MYRIP: variants seen among roughly 807,000 people sequenced by gnomAD.
MYRIP encodes the protein rab effector MyRIP.
In MYRIP, 49 loss-of-function variants were observed where a neutral mutation model predicts 98.0. The observed-to-expected ratio is 0.50, with a 90% CI of 0.40 to 0.63. The LOEUF is 0.63. Ranked by LOEUF, MYRIP falls within the 30% of genes least tolerant of loss-of-function variation. The pLI is 0.00. For synonymous variants in MYRIP, 404 were observed against 409.5 expected, an observed-to-expected ratio of 0.99 and a Z score of 0.16; for missense variants, 1,004 against 1,058.2, an observed-to-expected ratio of 0.95 and a Z score of 0.71.
At chr3:39,840,304 T>A (rs951749528) in intron 1 of MYRIP, among the ~76,000 whole-genome samples, 1 of 152,206 alleles carries the variant, frequency 6.6e-6, no homozygotes. Context: ...CCTGCCTTTT[T>A]TTTGCTTTCC....
intron 1 of MYRIP, among the ~76,000 whole-genome samples, chr3:39,835,378 G>A (rs1411594349): frequency 6.6e-6 from 1 of 152,048 alleles, no homozygotes; most frequent in African/African-American, 2.4e-5. Flanking sequence ...TGGTGAGGGT[G>A]GGGAACCAGC....
chr3:40,107,775 AAACT>A (rs1253637721), intron 3 of MYRIP, among the ~76,000 whole-genome samples: 2 of 152,054 alleles, frequency 1.3e-5, no homozygotes, highest in African/African-American at 4.8e-5. Flanking sequence ...ACAAGATGCT[AAACT>A]AACTGACTGC....
intron 2 of MYRIP, among the ~76,000 whole-genome samples, chr3:39,984,279 G>A (rs989449407): frequency 6.6e-6 from 1 of 151,606 alleles, no homozygotes; most frequent in African/African-American, 2.4e-5. Flanking sequence ...ACATTGTGCA[G>A]GTTAGTTACA....
intron 3 of MYRIP, among the ~76,000 whole-genome samples, chr3:40,085,566 G>C (rs1948610168): frequency 6.6e-6 from 1 of 152,218 alleles, no homozygotes; most frequent in South Asian, 2.1e-4. Flanking sequence ...TTACAGGCAT[G>C]AACCACTACA....
chr3:40,037,699 G>A (rs1445992365), intron 2 of MYRIP, among the ~76,000 whole-genome samples: 1 of 152,050 alleles, frequency 6.6e-6, no homozygotes, highest in African/African-American at 2.4e-5. Context: ...TGAGATGGAT[G>A]CAGAGCTGAC....
At position 40,160,907 on chromosome 3, in the gene MYRIP, C is replaced by T. The variant is rs149455209; in HGVS notation, c.470-1823C>T. On this transcript the variant is annotated intron_variant, in intron 4 of 16. Coordinates refer to ENST00000302541, the MANE Select transcript of MYRIP (RefSeq NM_015460.4). ...ACTGACCTGTGCCCACTGTCTGGCA[C>T]TCCCTAGTGAGATGAACCTGGTACC... Among the ~76,000 whole-genome samples, 707 of 152,290 alleles carry T rather than the reference C, an allele frequency of 4.6e-3. 1 individual carries two copies. The highest frequency in any genetic ancestry group is 6.8e-3 in the Middle Eastern group (2 of 294).
intron 1 of MYRIP, among the ~76,000 whole-genome samples, chr3:39,836,423 C>T (rs569283875): frequency 5.3e-4 from 81 of 152,232 alleles, no homozygotes; most frequent in African/African-American, 1.9e-3. Context: ...ATCCTTTGCC[C>T]ACTTTTGGAT....
rs145556949 is a variant in MYRIP at position 39,866,846 on chromosome 3, G to A, written c.-30-33941G>A. On this transcript the variant is annotated intron_variant, in intron 1 of 16. Coordinates refer to ENST00000302541, the MANE Select transcript of MYRIP (RefSeq NM_015460.4). The stretch of plus-strand genomic sequence containing the variant: ...AAAAACTTTTAAACATTTATATAGA[G>A]CCACAAAAACCTCCAAGTAGCCAAG... Among the ~76,000 whole-genome samples the A allele has an allele frequency of 1.6e-3, 242 of 152,148 alleles. 1 individual carries two copies. The highest frequency in any genetic ancestry group is 5.5e-3 in the African/African-American group (230 of 41,490).
At chr3:39,890,471 T>G (rs534521835) in intron 1 of MYRIP, among the ~76,000 whole-genome samples, 1 of 152,082 alleles carries the variant, frequency 6.6e-6, no homozygotes, top group Admixed American at 6.6e-5. Context: ...TAATGAGAGA[T>G]CTTCTCCTGT....
intron 11 of MYRIP, among the ~76,000 whole-genome samples, chr3:40,212,257 T>TAC (rs112664910): frequency 0.011 from 999 of 91,492 alleles, 88 homozygotes; most frequent in African/African-American, 0.032. Flanking sequence ...TATATATATA[T>TAC]ACACGTATAT....
At chr3:40,121,665 G>A (rs1253174742) in intron 3 of MYRIP, among the ~76,000 whole-genome samples, 1 of 152,124 alleles carries the variant, frequency 6.6e-6, no homozygotes, top group Non-Finnish European at 1.5e-5. Context: ...ACCCAGCACT[G>A]CCCTGTCAGG....
chr3:39,889,017 A>AG (rs1943401494), intron 1 of MYRIP, among the ~76,000 whole-genome samples: 2 of 152,196 alleles, frequency 1.3e-5, no homozygotes, highest in Non-Finnish European at 2.9e-5. Flanking sequence ...ATCATTAAAA[A>AG]GTCAGGAAAC....
chr3:40,201,528 TAA>T (rs1951559472), intron 10 of MYRIP, among the ~76,000 whole-genome samples: 1 of 152,202 alleles, frequency 6.6e-6, no homozygotes, highest in Non-Finnish European at 1.5e-5. Context: ...ATCCTGGTGC[TAA>T]GATTTCATAA....
intron 3 of MYRIP, among the ~76,000 whole-genome samples, chr3:40,149,230 T>A (rs569142118): frequency 6.6e-6 from 1 of 152,326 alleles, no homozygotes; most frequent in African/African-American, 2.4e-5. Context: ...AGGGAGCCTG[T>A]GTGTCACATG....
intron 10 of MYRIP, among the ~76,000 whole-genome samples, chr3:40,202,906 CTTAT>C (rs35758632): frequency 0.28 from 39,769 of 141,908 alleles, 6,468 homozygotes; most frequent in Admixed American, 0.36. Flanking sequence ...CCTCCATTTA[CTTAT>C]TTATTTATTT....
Position 40,244,400 on chromosome 3 carries a change from T to G in MYRIP, c.2101-46T>G, listed in dbSNP as rs767838733. On this transcript the variant is annotated intron_variant, in intron 12 of 16. Transcript: ENST00000302541. ...GTCCCCTCAAGGGACCCCCAACCAG[T>G]CCCAAGTCTGCAGACATGAACTCAA... 3 of 1,554,908 alleles carry G rather than the reference T, an allele frequency of 1.9e-6. No homozygotes were observed. The African/African-American group carries it at 4.1e-5, about 21-fold the overall frequency.
At chr3:40,213,338 G>A (rs1384735089) in intron 11 of MYRIP, among the ~76,000 whole-genome samples, 1 of 152,166 alleles carries the variant, frequency 6.6e-6, no homozygotes, top group Non-Finnish European at 1.5e-5. Context: ...CATATAGCAG[G>A]AGCCCAGCAA....
chr3:40,085,004 T>C (rs1274453830), intron 3 of MYRIP, among the ~76,000 whole-genome samples: 10 of 150,978 alleles, frequency 6.6e-5, no homozygotes, highest in African/African-American at 2.4e-4. Context: ...ATCTGTGTTA[T>C]ATATCGATAG....
intron 12 of MYRIP, chr3:40,238,540 C>A (rs748819071): frequency 3.3e-5 from 5 of 152,194 alleles, no homozygotes; most frequent in African/African-American, 1.2e-4. Context: ...TTGGTTACCA[C>A]AGGGCAGGAC....
Sources: allele counts gnomAD v4.1 joint callset (sites outside exome capture counted in the v4.1 genomes callset), GRCh38; gene constraint gnomAD v4.1.1; transcripts MANE v1.5; gene names NCBI Gene and HGNC (gene_info 2026-07-23, HGNC 2026-07-21).